The following PKD2L2 variants were observed in gnomAD, a reference collection of about 807,000 sequenced individuals.
PKD2L2 encodes the protein polycystin 2 like 2, transient receptor potential cation channel, also known as polycystin-2-like protein 2.
Under a neutral mutation model 83.9 loss-of-function variants are expected in PKD2L2, and 67 were observed. The ratio of observed to expected loss-of-function variants is 0.80; its 90% CI spans 0.66 to 0.98. The LOEUF is 0.98. Among genes scored for constraint, PKD2L2 ranks in the 50% least tolerant of loss-of-function variants. PKD2L2 has a pLI of 0.00. For missense variants in PKD2L2, 632 were observed against 717.2 expected (o/e 0.88, Z 1.36); for synonymous variants, 223 against 237.8 (o/e 0.94, Z 0.57).
rs201154983 is a variant in PKD2L2, at chr5:137,911,757, TTCTG to T, written c.1328+2815_1328+2818del. Among the ~76,000 whole-genome samples the T allele has an allele frequency of 7.5e-3, 1,137 of 152,294 alleles. 8 individuals carry two copies. Among genetic ancestry groups the T allele is most frequent in the Non-Finnish European group, 0.01 (714 of 68,004 alleles). ...CTATACAGTAGATCTCCAGAATTTA[TTCTG>T]TCTAACTGAAATTTTACACCCATTG... On this transcript the variant is annotated intron_variant, in intron 8 of 14. Transcript: ENST00000508883.
intron 3 of PKD2L2, 83 bp downstream of exon 3, chr5:137,892,696 T>A: frequency 1.9e-6 from 2 of 1,037,318 alleles, no homozygotes; most frequent in Non-Finnish European, 2.8e-6. Context: ...TCAATGAATA[T>A]CTTTTGAAGA....
intron 14 of PKD2L2, chr5:137,941,994 T>C (rs1251397446): frequency 2.5e-6 from 4 of 1,614,000 alleles, no homozygotes; most frequent in African/African-American, 1.3e-5. Flanking sequence ...ACGTTTTGCG[T>C]AGTTTCTTTT....
At chr5:137,927,506 T>C (rs1401324507) in intron 12 of PKD2L2, among the ~76,000 whole-genome samples, 1 of 152,212 alleles carries the variant, frequency 6.6e-6, no homozygotes, top group Admixed American at 6.5e-5. Context: ...AATTTTCCTA[T>C]AAAGGCATCA....
intron 1 of PKD2L2, chr5:137,890,101 GGTGAAACCCCAT>G (rs1755820458): frequency 6.0e-6 from 1 of 167,374 alleles, no homozygotes; most frequent in Non-Finnish European, 1.3e-5. Context: ...TGGCCAACAT[GGTGAAACCCCAT>G]CTCTACTAAA....
intron 8 of PKD2L2, among the ~76,000 whole-genome samples, chr5:137,912,665 C>T (rs987635351): frequency 6.6e-5 from 10 of 151,880 alleles, no homozygotes; most frequent in Non-Finnish European, 1.5e-4. Context: ...CCGTGCCTGG[C>T]CTAACTTGCA....
At chr5:137,900,791 A>G (rs1200682729) in intron 5 of PKD2L2, among the ~76,000 whole-genome samples, 2 of 152,200 alleles carry the variant, frequency 1.3e-5, no homozygotes, top group African/African-American at 4.8e-5. Context: ...CTTCTGTGGG[A>G]ATGCAGGATT....
At chr5:137,926,033 A>G in intron 12 of PKD2L2, 104 bp downstream of exon 12, 1 of 620,542 alleles carries the variant, frequency 1.6e-6, no homozygotes, top group South Asian at 2.0e-5. Context: ...GTTTTTCAGA[A>G]TAGTAATTGT....
chr5:137,935,771 C>T (rs567751323), intron 12 of PKD2L2, 26 bp from the exon 13 acceptor site: 1 of 1,196,712 alleles, frequency 8.4e-7, no homozygotes, highest in Non-Finnish European at 1.2e-6. Context: ...AAGATTGCAG[C>T]CTTTACTTGT....
At chr5:137,902,074 A>C (rs1243144028) in intron 5 of PKD2L2, among the ~76,000 whole-genome samples, 1 of 152,146 alleles carries the variant, frequency 6.6e-6, no homozygotes, top group Non-Finnish European at 1.5e-5. Flanking sequence ...TGGACACCAC[A>C]CCAGAGGAAT....
intron 8 of PKD2L2, among the ~76,000 whole-genome samples, chr5:137,918,054 C>T (rs961112156): frequency 6.6e-6 from 1 of 151,988 alleles, no homozygotes; most frequent in African/African-American, 2.4e-5. Context: ...CATGTCTGTA[C>T]AAAAAATAAA....
rs1462856965 is a variant in PKD2L2 at position 137,930,763 on chromosome 5, TACTC to T, written c.1671+4836_1671+4839del. Among the ~76,000 whole-genome samples, 7 of 127,414 alleles carry T rather than the reference TACTC, an allele frequency of 5.5e-5. No individual in the cohort carries two copies. The South Asian group carries it at 9.6e-4, about 17-fold the overall frequency. The allele number at this position is 127,414 out of a possible 152,430, so 83.6% of individuals were successfully genotyped here. A position where few individuals can be genotyped will look rare whatever the true frequency, so the allele number is the denominator to read the frequency against. Reference sequence around the variant, plus strand: ...AATCTGAGATAAAGTAAAAAAAAAATACTCAGAGGAAAATTAAGTCTTAAATTTA... The same window carrying T: ...AATCTGAGATAAAGTAAAAAAAAAATAGAGGAAAATTAAGTCTTAAATTTA... On this transcript the variant is annotated intron_variant, in intron 12 of 14. Coordinates refer to ENST00000508883, the MANE Select transcript of PKD2L2 (RefSeq NM_001300921.2).
intron 12 of PKD2L2, among the ~76,000 whole-genome samples, chr5:137,927,327 TAACCTAAATCATGAC>T (rs1759457297): frequency 1.3e-5 from 2 of 152,228 alleles, no homozygotes; most frequent in South Asian, 4.1e-4. Context: ...CATATAATCT[TAACCTAAATCATGAC>T]AAAATTTAAA....
chr5:137,919,642 A>G (rs1185881693), intron 8 of PKD2L2, among the ~76,000 whole-genome samples: 1 of 152,174 alleles, frequency 6.6e-6, no homozygotes. Flanking sequence ...CTTCCAATTC[A>G]GTATTTTCTC....
chr5:137,935,514 G>C (rs1460719300), intron 12 of PKD2L2, among the ~76,000 whole-genome samples: 1 of 152,210 alleles, frequency 6.6e-6, no homozygotes, highest in East Asian at 1.9e-4. Flanking sequence ...AAATAATTTA[G>C]ATGGAGATGC....
At chr5:137,902,665 A>AT (rs1015252361) in intron 5 of PKD2L2, among the ~76,000 whole-genome samples, 8 of 151,754 alleles carry the variant, frequency 5.3e-5, no homozygotes, top group African/African-American at 1.2e-4. Flanking sequence ...AATGGGAATA[A>AT]TTTTTTTTTC....
chr5:137,890,619 C>G (rs1004065376), intron 2 of PKD2L2, 37 bp downstream of exon 2: 4 of 882,562 alleles, frequency 4.5e-6, no homozygotes, highest in Non-Finnish European at 6.9e-6. Flanking sequence ...TTTGTTTGAA[C>G]TAAGAAGTTA....
chr5:137,897,780 G>T (rs76734697), intron 4 of PKD2L2, among the ~76,000 whole-genome samples: 18,145 of 151,966 alleles, frequency 0.12, 1,445 homozygotes, highest in Non-Finnish European at 0.17. Flanking sequence ...TTTCCTAGTG[G>T]TGTCTCTTTC....
At chr5:137,916,410 G>A (rs1010623176) in intron 8 of PKD2L2, among the ~76,000 whole-genome samples, 3 of 151,104 alleles carry the variant, frequency 2.0e-5, no homozygotes, top group East Asian at 1.9e-4. Flanking sequence ...CACCATGCCC[G>A]GCCTCTCCCT....
chr5:137,899,445 C>T (rs1273692073), intron 4 of PKD2L2, 71 bp from the exon 5 acceptor site: 1 of 1,067,196 alleles, frequency 9.4e-7, no homozygotes, highest in Non-Finnish European at 1.4e-6. Flanking sequence ...AACCAAAGAT[C>T]GATTTAAATT....
Sources: gnomAD v4.1 joint callset for allele counts (sites outside exome capture counted in the v4.1 genomes callset) on GRCh38, gnomAD v4.1.1 for gene constraint, MANE v1.5 for transcripts, NCBI Gene and HGNC (gene_info 2026-07-23, HGNC 2026-07-21) for gene names.